The following TBC1D17 variants were observed in gnomAD, a reference collection of about 807,000 sequenced individuals.
The protein encoded by TBC1D17 is TBC1 domain family member 17.
Under a neutral mutation model 78.8 loss-of-function variants are expected in TBC1D17, and 69 were observed. The ratio of observed to expected loss-of-function variants is 0.88; its 90% CI spans 0.72 to 1.07. The LOEUF is 1.07. Among genes scored for constraint, TBC1D17 ranks in the 50% least tolerant of loss-of-function variants. The pLI is 0.00. For missense variants in TBC1D17, 957 were observed against 861.0 expected, an observed-to-expected ratio of 1.11 and a Z score of -1.39; for synonymous variants, 456 against 358.3, an observed-to-expected ratio of 1.27 and a Z score of -3.08.
chr19:49,886,271 GAAAGTT>G (rs773029997), intron 13 of TBC1D17, among the ~76,000 whole-genome samples: 3 of 152,116 alleles, frequency 2.0e-5, no homozygotes, highest in East Asian at 1.9e-4. Context: ...AAAGAAAAAA[GAAAGTT>G]AAAGTTGCTG....
At chr19:49,885,503 T>C (rs1403360477) in intron 13 of TBC1D17, 1 of 148,078 alleles carries the variant, frequency 6.8e-6, no homozygotes, top group Non-Finnish European at 1.5e-5. Context: ...ATGTAAAAAC[T>C]GCAGGAAATT....
chr19:49,882,591 C>T (rs1347147174), intron 7 of TBC1D17, among the ~76,000 whole-genome samples, 173 bp from the exon 8 acceptor site: 1 of 152,186 alleles, frequency 6.6e-6, no homozygotes, highest in African/African-American at 2.4e-5. Context: ...TATTGGGGGA[C>T]CCCTCCTAAC....
At chr19:49,881,882 T>C (rs888129484) in intron 5 of TBC1D17, among the ~76,000 whole-genome samples, 159 bp from the exon 6 acceptor site, 9 of 152,218 alleles carry the variant, frequency 5.9e-5, no homozygotes, top group Admixed American at 5.2e-4. Context: ...ACCCCTGGGA[T>C]CCAGCTGTGG....
chr19:49,883,873 G>A, intron 10 of TBC1D17, 128 bp downstream of exon 10: 1 of 790,820 alleles, frequency 1.3e-6, no homozygotes, highest in Admixed American at 2.2e-5. Flanking sequence ...GGCATCTTGG[G>A]GGAAAGCTGC....
At chr19:49,879,232 C>CT (rs1273769381) in intron 3 of TBC1D17, 2 of 152,258 alleles carry the variant, frequency 1.3e-5, no homozygotes, top group Non-Finnish European at 2.9e-5. Flanking sequence ...GCAGAACAAC[C>CT]TTCAAGGCAC....
Position 49,888,221 on chromosome 19 carries a change from C to A in TBC1D17, c.1660-10C>A, listed in dbSNP as rs751293800. The stretch of plus-strand genomic sequence containing the variant: ...GTGCCGACTGGCGCCTGACCCACCC[C>A]CTCCCGCAGCACATCAACGAGCTGA... On this transcript the variant is annotated splice_polypyrimidine_tract_variant and intron_variant, in intron 15 of 16. Coordinates refer to ENST00000221543, the MANE Select transcript of TBC1D17 (RefSeq NM_024682.3). 1.3e-6 allele frequency: 2 copies of A among 1,572,968 alleles called. No homozygotes were observed. The highest frequency in any genetic ancestry group is 2.3e-5 in the South Asian group (2 of 85,760).
intron 10 of TBC1D17, 26 bp downstream of exon 10, chr19:49,883,771 G>A (rs766305152): frequency 6.3e-7 from 1 of 1,598,170 alleles, no homozygotes; most frequent in Admixed American, 1.7e-5. Flanking sequence ...GGCACTTAGG[G>A]TGGATGGGAG....
chr19:49,878,111 GC>G, intron 1 of TBC1D17, 31 bp from the exon 2 acceptor site: 1 of 1,541,780 alleles, frequency 6.5e-7, no homozygotes. Context: ...CCTCGCTTGG[GC>G]CCCAGCCCTC....
At chr19:49,880,518 A>ACC in intron 4 of TBC1D17, 116 bp downstream of exon 4, 4 of 1,353,384 alleles carry the variant, frequency 3.0e-6, no homozygotes, top group Non-Finnish European at 4.0e-6. Flanking sequence ...GCCACCAGTC[A>ACC]CCACCTTCCA....
chr19:49,881,109 T>C (rs1343809336), intron 4 of TBC1D17, among the ~76,000 whole-genome samples, 159 bp from the exon 5 acceptor site: 1 of 152,068 alleles, frequency 6.6e-6, no homozygotes, highest in East Asian at 1.9e-4. Context: ...CCCATCTTAC[T>C]CATTTGTGCT....
Position 49,884,553 on chromosome 19 carries a change from G to T in TBC1D17, c.1338G>T (p.Glu446Asp), listed in dbSNP as rs2075043375. The T allele has an allele frequency of 1.9e-6, 3 of 1,614,190 alleles. No individual in the cohort carries two copies. Among genetic ancestry groups the T allele is most frequent in the Non-Finnish European group, 2.5e-6 (3 of 1,180,030 alleles). Residue 446 changes from glutamate to aspartate, a missense_variant, in exon 12 of 17, where the codon GAG (glutamate) becomes GAT (aspartate). Coordinates refer to ENST00000221543, the MANE Select transcript of TBC1D17 (RefSeq NM_024682.3). Reference protein sequence around the residue: ...DAFWCFCGFMELVQGNFEESQ... With the variant: ...DAFWCFCGFMDLVQGNFEESQ... Reference sequence around the variant, plus strand: ...TCTGGTGTTTCTGTGGCTTCATGGAGCTCGTGGTGAGGCTTGGGTCAGGGG... The same window carrying T: ...TCTGGTGTTTCTGTGGCTTCATGGATCTCGTGGTGAGGCTTGGGTCAGGGG...
Position 49,887,668 on chromosome 19 carries a change from G to T in TBC1D17, c.1543-50G>T, listed in dbSNP as rs763686866. 40 of 1,609,256 alleles carry T rather than the reference G, an allele frequency of 2.5e-5. 1 individual carries two copies. The Middle Eastern group carries it at 3.1e-3, about 126-fold the overall frequency. On this transcript the variant is annotated intron_variant, in intron 14 of 16. Transcript: ENST00000221543. Reference sequence around the variant, plus strand: ...GGGACAGACCCTGGTGGGACCTCAGGCCCAGGCTGGGCTATGACCTCCCTC... The same window carrying T: ...GGGACAGACCCTGGTGGGACCTCAGTCCCAGGCTGGGCTATGACCTCCCTC...
In TBC1D17 at chr19:49,888,457, C is replaced by T. The variant is rs905393346; in HGVS notation, c.1780C>T (p.Leu594=). 4 of 1,596,342 alleles carry T rather than the reference C, an allele frequency of 2.5e-6. No homozygotes were observed. The highest frequency in any genetic ancestry group is 2.6e-6 in the Non-Finnish European group (3 of 1,175,428). ...LPHNVQEILG[L]APPAEPHSPS... ...CCACAACGTGCAGGAGATCCTGGGGCTGGCCCCGCCCGCAGAGCCCCACAG... is the reference window on the plus strand; with the variant it reads ...CCACAACGTGCAGGAGATCCTGGGGTTGGCCCCGCCCGCAGAGCCCCACAG... The change falls in exon 17 of 17, where the codon CTG becomes TTG. Residue 594 remains leucine, a synonymous_variant. Coordinates refer to ENST00000221543, the MANE Select transcript of TBC1D17 (RefSeq NM_024682.3).
chr19:49,877,943 A>T lies in TBC1D17; in HGVS notation c.21+199A>T, dbSNP rs951711811. 13 of 610,258 alleles carry T rather than the reference A, an allele frequency of 2.1e-5. 1 individual carries two copies. In the Admixed American group the frequency reaches 3.3e-4, roughly 16 times the overall value. 37.8% of individuals were successfully genotyped at this position (610,258 alleles called of 1,614,324 possible). ...TGGCCCCGCCCCCCCGGCTCAGGCG[A>T]CTCCTTGAGCCCTGCCCCCTGTGGA... On this transcript the variant is annotated intron_variant, in intron 1 of 16. Coordinates refer to ENST00000221543, the MANE Select transcript of TBC1D17 (RefSeq NM_024682.3).
In TBC1D17 at chr19:49,881,432, C is replaced by T. The variant is rs570272653; in HGVS notation, c.484C>T (p.Arg162Cys). Residue 162 changes from arginine (R) to cysteine (C), a missense_variant, in exon 5 of 17, where the codon CGC (arginine) becomes TGC (cysteine). By Grantham distance (180) the Arg-to-Cys change is radical. Coordinates refer to ENST00000221543, the MANE Select transcript of TBC1D17 (RefSeq NM_024682.3). ...ACTGCACTTCCACCGCGGGGGCACC[C>T]GCGCCCTGCTCCGCGTCCTCAGCCG... ...PALHFHRGGT[R>C]ALLRVLSRYL... 3.4e-5 allele frequency: 55 copies of T among 1,611,994 alleles called. No individual in the cohort carries two copies. The East Asian group carries it at 9.1e-4, about 27-fold the overall frequency.
chr19:49,882,202 G>C (rs1454928343), intron 6 of TBC1D17, 40 bp from the exon 7 acceptor site: 1 of 1,613,036 alleles, frequency 6.2e-7, no homozygotes, highest in East Asian at 2.2e-5. Context: ...GGAGGGACGA[G>C]AAGGGGCGGG....
intron 3 of TBC1D17, 79 bp from the exon 4 acceptor site, chr19:49,880,200 G>C (rs2075000864): frequency 1.3e-6 from 2 of 1,550,718 alleles, no homozygotes; most frequent in African/African-American, 2.7e-5. Flanking sequence ...TTTATTCAAT[G>C]GGGCTATCTT....
intron 7 of TBC1D17, 74 bp downstream of exon 7, chr19:49,882,474 C>T (rs952983575): frequency 6.5e-7 from 1 of 1,544,650 alleles, no homozygotes; most frequent in Non-Finnish European, 8.7e-7. Flanking sequence ...TTCCCTGGGC[C>T]TCAGTTTCCT....
Position 49,878,247 on chromosome 19 carries a change from C to G in TBC1D17, c.120+6C>G, listed in dbSNP as rs1371849990. The G allele has an allele frequency of 1.3e-6, 2 of 1,555,614 alleles. No individual in the cohort carries two copies. The highest frequency in any genetic ancestry group is 2.7e-5 in the African/African-American group (2 of 73,162). On this transcript the variant is annotated splice_donor_region_variant and intron_variant, in intron 2 of 16. Transcript: ENST00000221543. ...TCATCCGTGTCGTGGAAAAGGTGCG[C>G]TGGGAGGGAGCAGGGCTCGGACCCG...
Sources: allele counts gnomAD v4.1 joint callset (sites outside exome capture counted in the v4.1 genomes callset), GRCh38; gene constraint gnomAD v4.1.1; transcripts MANE v1.5; gene names NCBI Gene and HGNC (gene_info 2026-07-23, HGNC 2026-07-21).